TNRC6A: variants seen among roughly 807,000 people sequenced by gnomAD.
TNRC6A encodes the protein trinucleotide repeat-containing gene 6A protein.
Under a neutral mutation model 221.2 loss-of-function variants are expected in TNRC6A, and 44 were observed. The observed-to-expected ratio is 0.20, with a 90% confidence interval of 0.16 to 0.26. The LOEUF is 0.26. Among genes scored for constraint, TNRC6A ranks in the 10% least tolerant of loss-of-function variants. The probability of loss-of-function intolerance (pLI) is 1.00; values close to 1 mark genes in which losing one functional copy is unlikely to be tolerated. For missense variants in TNRC6A, 2,199 were observed against 2,404.4 expected (o/e 0.91, Z 1.79); for synonymous variants, 847 against 838.5 (o/e 1.01, Z -0.18).
intron 2 of TNRC6A, among the ~76,000 whole-genome samples, chr16:24,700,934 T>C (rs746936992): frequency 1.3e-5 from 2 of 152,232 alleles, no homozygotes; most frequent in Non-Finnish European, 2.9e-5. Flanking sequence ...CTCTTTGGAA[T>C]TGTCTGTCAC....
intron 2 of TNRC6A, among the ~76,000 whole-genome samples, chr16:24,648,549 C>T (rs891003634): frequency 6.6e-5 from 10 of 152,102 alleles, no homozygotes; most frequent in Non-Finnish European, 7.4e-5. Context: ...GGATTACAGG[C>T]GTGAGCCACC....
chr16:24,789,276 C>T lies in TNRC6A; in HGVS notation c.634C>T (p.Arg212Trp), dbSNP rs201498761. ...AGGATCCCATTATGAAAATTCCCAG[C>T]GGGGACCTGTGTCTTCTACAAGTGA... ...TSGSHYENSQRGPVSSTSDSS... is the reference protein window; with the variant it reads ...TSGSHYENSQWGPVSSTSDSS... The change falls in exon 6 of 25, where the codon CGG becomes TGG. Residue 212 changes from arginine (R) to tryptophan (W), a missense_variant. By Grantham distance (101) the Arg-to-Trp change is moderately radical. Coordinates refer to ENST00000395799, the MANE Select transcript of TNRC6A (RefSeq NM_014494.4). 1.2e-5 allele frequency: 19 copies of T among 1,611,606 alleles called. No individual in the cohort carries two copies. The highest frequency in any genetic ancestry group is 1.7e-5 in the Admixed American group (1 of 59,620).
At position 24,666,378 on chromosome 16, in the gene TNRC6A, C is replaced by A. The variant is rs112789623; in HGVS notation, n.402+25369C>A. ...GTCCCAGCTACTTGGGAGGCTGAAG[C>A]AGGAGAATGGCATGAACCCGGGAGG... On this transcript the variant is annotated intron_variant and non_coding_transcript_variant, in intron 2 of 2. Coordinates refer to the TNRC6A transcript ENST00000566108. 1.3e-3 allele frequency among the ~76,000 whole-genome samples: 197 copies of A among 148,870 alleles called. 2 individuals carry two copies. Among genetic ancestry groups the A allele is most frequent in the African/African-American group, 4.7e-3 (191 of 40,352 alleles).
intron 2 of TNRC6A, among the ~76,000 whole-genome samples, chr16:24,746,972 A>G (rs1365249446): frequency 1.3e-5 from 2 of 152,196 alleles, no homozygotes; most frequent in East Asian, 3.9e-4. Context: ...GGCCTGAGCC[A>G]CCATACCCGG....
intron 1 of TNRC6A, among the ~76,000 whole-genome samples, chr16:24,611,011 C>T (rs1256650583): frequency 6.6e-6 from 1 of 152,030 alleles, no homozygotes; most frequent in East Asian, 1.9e-4. Context: ...TGGGGTTTCA[C>T]CATGTTGGCC....
intron 2 of TNRC6A, among the ~76,000 whole-genome samples, chr16:24,745,800 C>CG (rs1567416223): frequency 2.1e-5 from 3 of 143,966 alleles, no homozygotes; most frequent in African/African-American, 7.6e-5. Context: ...TACCATCCCC[C>CG]CCCCCCCCAG....
intron 1 of TNRC6A, among the ~76,000 whole-genome samples, chr16:24,639,676 C>G (rs1901832680): frequency 6.6e-6 from 1 of 152,256 alleles, no homozygotes; most frequent in South Asian, 2.1e-4. Flanking sequence ...GGGTCTCGCT[C>G]TATCGCCCAG....
chr16:24,761,820 C>A (rs913464458), intron 4 of TNRC6A, among the ~76,000 whole-genome samples: 1 of 152,132 alleles, frequency 6.6e-6, no homozygotes, highest in African/African-American at 2.4e-5. Context: ...CGTGAGCCAC[C>A]GCAGCTGGCT....
intron 2 of TNRC6A, among the ~76,000 whole-genome samples, chr16:24,681,572 C>T (rs554177656): frequency 1.3e-5 from 2 of 152,206 alleles, no homozygotes; most frequent in African/African-American, 4.8e-5. Context: ...GACATATTTT[C>T]ATAATCATTC....
At chr16:24,630,835 A>C (rs896555449) in intron 1 of TNRC6A, among the ~76,000 whole-genome samples, 4 of 152,154 alleles carry the variant, frequency 2.6e-5, no homozygotes, top group African/African-American at 9.7e-5. Flanking sequence ...TCCCTGTCTA[A>C]ATGGCCCCAA....
chr16:24,637,714 C>T lies in TNRC6A; in HGVS notation n.277-3170C>T, dbSNP rs528513973. 2.0e-5 allele frequency among the ~76,000 whole-genome samples: 3 copies of T among 152,270 alleles called. No individual in the cohort carries two copies. The East Asian group carries it at 5.8e-4, about 29-fold the overall frequency. On this transcript the variant is annotated intron_variant and non_coding_transcript_variant, in intron 1 of 2. Transcript: ENST00000566108. ...CACAACACAATACCAAGGAATCTCA[C>T]AAATATCACATCCAATGAAAGAAGC...
intron 2 of TNRC6A, among the ~76,000 whole-genome samples, chr16:24,740,048 A>G (rs2056859074): frequency 6.6e-6 from 1 of 152,212 alleles, no homozygotes; most frequent in Admixed American, 6.5e-5. Flanking sequence ...TGTTGAAAAG[A>G]CTTTCATCTT....
intron 2 of TNRC6A, among the ~76,000 whole-genome samples, chr16:24,741,320 G>C (rs200534): frequency 6.6e-6 from 1 of 151,998 alleles, no homozygotes; most frequent in Non-Finnish European, 1.5e-5. Flanking sequence ...TTTTATTCCT[G>C]TTTTGAGTGT....
intron 2 of TNRC6A, among the ~76,000 whole-genome samples, chr16:24,660,728 CTTTTTTTTTTCTTTTTTTTT>C (rs1449640673): frequency 8.2e-6 from 1 of 122,552 alleles, no homozygotes; most frequent in African/African-American, 3.3e-5. Flanking sequence ...TTTCTTTTTT[CTTTTTTTTTTCTTTTTTTTT>C]TTTTTTTTTT....
chr16:24,752,927 A>G (rs754007655), intron 3 of TNRC6A, among the ~76,000 whole-genome samples: 10 of 152,148 alleles, frequency 6.6e-5, no homozygotes, highest in South Asian at 2.1e-4. Flanking sequence ...AATTTATTCT[A>G]TTTACTGAGA....
intron 2 of TNRC6A, among the ~76,000 whole-genome samples, chr16:24,731,442 G>A (rs1023331985): frequency 1.3e-5 from 2 of 152,140 alleles, no homozygotes; most frequent in African/African-American, 2.4e-5. Context: ...TGAAGGATAG[G>A]CATCATTGGT....
intron 2 of TNRC6A, among the ~76,000 whole-genome samples, chr16:24,739,811 A>G (rs1211883663): frequency 6.6e-6 from 1 of 152,186 alleles, no homozygotes; most frequent in Non-Finnish European, 1.5e-5. Context: ...TCCCTTGAGC[A>G]CAAAAATTTA....
At chr16:24,615,159 A>G (rs1900279226) in intron 1 of TNRC6A, among the ~76,000 whole-genome samples, 1 of 152,204 alleles carries the variant, frequency 6.6e-6, no homozygotes, top group Non-Finnish European at 1.5e-5. Flanking sequence ...GGTAGAAATA[A>G]CAAGTCTTGC....
intron 1 of TNRC6A, among the ~76,000 whole-genome samples, chr16:24,634,125 G>A (rs1365454869): frequency 2.0e-5 from 3 of 152,082 alleles, no homozygotes; most frequent in Non-Finnish European, 4.4e-5. Flanking sequence ...TGCCTAAATA[G>A]TGTGATCATT....
Sources: allele counts gnomAD v4.1 joint callset (sites outside exome capture counted in the v4.1 genomes callset), GRCh38; gene constraint gnomAD v4.1.1; transcripts MANE v1.5; gene names NCBI Gene and HGNC (gene_info 2026-07-23, HGNC 2026-07-21).